Variants in AFAP1 observed in about 807,000 individuals in gnomAD.
AFAP1 encodes actin filament-associated protein 1.
AFAP1 carries 75 observed loss-of-function variants against 93.9 expected under a neutral mutation model. That is an observed-to-expected ratio of 0.80 (90% confidence interval 0.66 to 0.97). The LOEUF is 0.97. AFAP1 is among the 50% of genes least tolerant of loss of function. AFAP1 has a pLI of 0.00. For synonymous variants in AFAP1, 517 were observed against 430.7 expected (o/e 1.20, Z -2.48); for missense variants, 1,201 against 1,050.8 (o/e 1.14, Z -1.98).
intron 1 of AFAP1, among the ~76,000 whole-genome samples, chr4:7,888,574 T>G (rs997580474): frequency 1.3e-5 from 2 of 152,204 alleles, no homozygotes; most frequent in African/African-American, 4.8e-5. Flanking sequence ...ACAGACTATC[T>G]GAACAGCTCT....
chr4:7,818,670 CAAGAGTGCAAAGCA>C (rs1720697502), intron 7 of AFAP1, among the ~76,000 whole-genome samples: 1 of 152,206 alleles, frequency 6.6e-6, no homozygotes, highest in Non-Finnish European at 1.5e-5. Flanking sequence ...CAACAAGCAA[CAAGAGTGCAAAGCA>C]AAGGGAGACA....
intron 3 of AFAP1, among the ~76,000 whole-genome samples, chr4:7,867,600 C>T (rs949927667): frequency 3.2e-4 from 49 of 152,190 alleles, no homozygotes; most frequent in African/African-American, 1.1e-3. Context: ...TCTCTGCCCC[C>T]TCTACTTATT....
chr4:7,923,873 A>G (rs907874696), intron 1 of AFAP1, among the ~76,000 whole-genome samples: 5 of 152,148 alleles, frequency 3.3e-5, no homozygotes, highest in African/African-American at 1.2e-4. Flanking sequence ...ATACCATCAC[A>G]CTGGGGGTGA....
At chr4:7,767,785 G>C (rs1459303390) in intron 17 of AFAP1, among the ~76,000 whole-genome samples, 2 of 152,174 alleles carry the variant, frequency 1.3e-5, no homozygotes, top group African/African-American at 4.8e-5. Flanking sequence ...TCCAAAAGCT[G>C]CAAAGAATGC....
At position 7,899,302 on chromosome 4, in the gene AFAP1, G is replaced by A. The variant is rs116425067; in HGVS notation, c.-2-27222C>T. 1.9e-3 allele frequency among the ~76,000 whole-genome samples: 284 copies of A among 152,206 alleles called. 1 individual carries two copies. The highest frequency in any genetic ancestry group is 6.7e-3 in the African/African-American group (277 of 41,552). On this transcript the variant is annotated intron_variant, in intron 1 of 17. Transcript: ENST00000420658. ...TTCCCCCAGGACCCCCGTTTCATAA[G>A]GGTTAGTCCTGGAGCCTAGCAAGTT...
intron 12 of AFAP1, among the ~76,000 whole-genome samples, chr4:7,785,514 C>A (rs905248878): frequency 6.6e-6 from 1 of 152,108 alleles, no homozygotes; most frequent in African/African-American, 2.4e-5. Flanking sequence ...CATTTTAATC[C>A]CATCGGGAAA....
chr4:7,938,049 A>G (rs944721778), intron 1 of AFAP1, among the ~76,000 whole-genome samples: 1 of 152,204 alleles, frequency 6.6e-6, no homozygotes, highest in Non-Finnish European at 1.5e-5. Context: ...CTGGCAGATC[A>G]TAAGCTCTTA....
Position 7,793,896 on chromosome 4 carries a change from A to G in AFAP1, c.1267-70T>C, listed in dbSNP as rs886740759. Reference sequence around the variant, plus strand: ...TTTACATTTTCATAAATGTGTCAATAAAGAGACCACATAATAGGAAAGGCG... The same window carrying G: ...TTTACATTTTCATAAATGTGTCAATGAAGAGACCACATAATAGGAAAGGCG... On this transcript the variant is annotated intron_variant, in intron 10 of 17. Coordinates refer to ENST00000420658, the MANE Select transcript of AFAP1 (RefSeq NM_001134647.2). 35 of 1,399,846 alleles carry G rather than the reference A, an allele frequency of 2.5e-5. No individual in the cohort carries two copies. In the African/African-American group the frequency reaches 4.0e-4, roughly 16 times the overall value. The allele number at this position is 1,399,846 out of a possible 1,614,324, so 86.7% of individuals were successfully genotyped here. A position where few individuals can be genotyped will look rare whatever the true frequency, so the allele number is the denominator to read the frequency against.
chr4:7,933,689 G>C (rs1396272689), intron 1 of AFAP1, among the ~76,000 whole-genome samples: 1 of 152,212 alleles, frequency 6.6e-6, no homozygotes, highest in African/African-American at 2.4e-5. Flanking sequence ...GAGCTGATGG[G>C]ACCACATGCA....
At chr4:7,913,405 A>G (rs1450779015) in intron 1 of AFAP1, among the ~76,000 whole-genome samples, 2 of 152,036 alleles carry the variant, frequency 1.3e-5, no homozygotes, top group African/African-American at 4.8e-5. Context: ...AAAAAAAAAA[A>G]AAATGCTAGC....
At position 7,781,548 on chromosome 4, in the gene AFAP1, T is replaced by G. The variant is rs375891162; in HGVS notation, c.1610A>C (p.Tyr537Ser). Reference protein sequence around the residue: ...EEVLYDNAGLYDNLPPPHIFA... With the variant: ...EEVLYDNAGLSDNLPPPHIFA... ...GATGTGCGGAGGCGGCAAGTTATCG[T>G]ACAGGCCTGCGTTATCATAAAGCAC... The change falls in exon 13 of 18, where the codon TAC (tyrosine) becomes TCC (serine). Residue 537 changes from tyrosine to serine, a missense_variant. Physicochemically the swap from Tyr to Ser is moderately radical, Grantham distance 144. Coordinates refer to ENST00000420658, the MANE Select transcript of AFAP1 (RefSeq NM_001134647.2). 2.2e-5 allele frequency: 34 copies of G among 1,552,048 alleles called. No homozygotes were observed. Among genetic ancestry groups the G allele is most frequent in the Non-Finnish European group, 3.0e-5 (34 of 1,147,076 alleles).
chr4:7,811,686 G>A (rs923915667), intron 8 of AFAP1, among the ~76,000 whole-genome samples: 2 of 152,194 alleles, frequency 1.3e-5, no homozygotes, highest in Admixed American at 1.3e-4. Context: ...GAAAGGCCGT[G>A]TGAAGGCGCG....
chr4:7,918,146 C>T (rs367760565), intron 1 of AFAP1, among the ~76,000 whole-genome samples: 11 of 152,162 alleles, frequency 7.2e-5, no homozygotes, highest in Non-Finnish European at 1.2e-4. Flanking sequence ...TGGAGCCACT[C>T]GGCCCAGATC....
intron 3 of AFAP1, among the ~76,000 whole-genome samples, chr4:7,867,394 C>T (rs1716545774): frequency 6.6e-6 from 1 of 152,200 alleles, no homozygotes; most frequent in Non-Finnish European, 1.5e-5. Flanking sequence ...GAGCCTGAGG[C>T]AGCGCGGGGG....
At chr4:7,811,350 C>T (rs568058319) in intron 8 of AFAP1, among the ~76,000 whole-genome samples, 3 of 151,996 alleles carry the variant, frequency 2.0e-5, no homozygotes, top group Non-Finnish European at 2.9e-5. Context: ...ACACATCCCA[C>T]GGAAGAACTG....
Position 7,814,585 on chromosome 4 carries a change from A to G in AFAP1, c.904+1433T>C, listed in dbSNP as rs140410430. Among the ~76,000 whole-genome samples the G allele has an allele frequency of 8.3e-3, 1,265 of 152,354 alleles. 16 individuals are homozygous for G. Among genetic ancestry groups the G allele is most frequent in the African/African-American group, 0.029 (1,195 of 41,564 alleles). On this transcript the variant is annotated intron_variant, in intron 8 of 17. Coordinates refer to ENST00000420658, the MANE Select transcript of AFAP1 (RefSeq NM_001134647.2). ...CACACAGTGGAATGCCTCCAGCAGC[A>G]GCAAAGAACCAACTAGTGACACTAG...
intron 1 of AFAP1, among the ~76,000 whole-genome samples, chr4:7,936,297 G>C (rs1721375472): frequency 6.6e-6 from 1 of 152,130 alleles, no homozygotes. Flanking sequence ...TTGGAAAGGA[G>C]CTTAATATTT....
At chr4:7,884,211 G>A (rs184577467) in intron 1 of AFAP1, among the ~76,000 whole-genome samples, 11 of 152,242 alleles carry the variant, frequency 7.2e-5, no homozygotes, top group Middle Eastern at 3.4e-3. Context: ...TCCCAAAAGC[G>A]GAGCAAATGT....
At chr4:7,783,702 G>A (rs1421388336) in intron 12 of AFAP1, among the ~76,000 whole-genome samples, 2 of 152,334 alleles carry the variant, frequency 1.3e-5, no homozygotes, top group Middle Eastern at 3.4e-3. Context: ...CCTGGGGGTG[G>A]CCTGTAGAGT....
Sources: gnomAD v4.1 joint callset for allele counts (sites outside exome capture counted in the v4.1 genomes callset) on GRCh38, gnomAD v4.1.1 for gene constraint, MANE v1.5 for transcripts, NCBI Gene and HGNC (gene_info 2026-07-23, HGNC 2026-07-21) for gene names.